The following CHEK2 variants were observed in gnomAD, a reference collection of about 807,000 sequenced individuals.
The protein encoded by CHEK2 is serine/threonine-protein kinase Chk2.
Under a neutral mutation model 69.1 loss-of-function variants are expected in CHEK2, and 71 were observed. That is an observed-to-expected ratio of 1.03 (90% CI 0.85 to 1.25). CHEK2 has a LOEUF of 1.25. Ranked by LOEUF, CHEK2 falls within the 50% of genes most tolerant of loss-of-function variation. CHEK2 has a pLI of 0.00. For synonymous variants in CHEK2, 189 were observed against 226.9 expected, an observed-to-expected ratio of 0.83 and a Z score of 1.50; for missense variants, 664 against 649.6, an observed-to-expected ratio of 1.02 and a Z score of -0.24.
intron 5 of CHEK2, among the ~76,000 whole-genome samples, chr22:28,717,315 T>C (rs1391999432): frequency 1.3e-5 from 2 of 151,718 alleles, no homozygotes; most frequent in African/African-American, 2.4e-5. Flanking sequence ...GAGGCAGAGG[T>C]TGAAGTGAGC....
At chr22:28,693,969 A>G (rs749970103) in intron 13 of CHEK2, 63 bp downstream of exon 13, 29 of 1,023,138 alleles carry the variant, frequency 2.8e-5, no homozygotes, top group Non-Finnish European at 3.7e-5. Context: ...CCTCTGTCTC[A>G]TGTCTCTCAG....
At position 28,696,968 on chromosome 22, in the gene CHEK2, A is replaced by G. The variant is rs863224746; in HGVS notation, c.1028T>C (p.Ile343Thr). 3 of 1,612,654 alleles carry G rather than the reference A, an allele frequency of 1.9e-6. No individual in the cohort carries two copies. The highest frequency in any genetic ancestry group is 2.5e-6 in the Non-Finnish European group (3 of 1,178,724). Residue 343 changes from isoleucine to threonine, a missense_variant, in exon 10 of 15, where the codon ATT becomes ACT. Transcript: ENST00000404276. ...LAVQYLHENG[I>T]IHRDLKPENV... ...CTCTGGCTTTAAGTCACGGTGTATA[A>G]TACCGTTTTCATGAAGGTACTACAC...
chr22:28,737,662 A>G (rs2054452332), intron 1 of CHEK2, among the ~76,000 whole-genome samples: 1 of 151,686 alleles, frequency 6.6e-6, no homozygotes, highest in Middle Eastern at 3.2e-3. Flanking sequence ...TAGTAGAGAC[A>G]GGGTTTTCAC....
intron 1 of CHEK2, chr22:28,737,339 A>G (rs922080533): frequency 1.9e-4 from 87 of 463,336 alleles, no homozygotes; most frequent in Admixed American, 6.2e-4. Flanking sequence ...CAGTAAAAGG[A>G]AACACTTTAC....
At position 28,725,374 on chromosome 22, in the gene CHEK2, T is replaced by G. The variant is rs1555927424; in HGVS notation, c.320-7A>C. ...TAGTTGTCATTCACACATTCTGTAA[T>G]ATAAAAGCATGCATCAGAGGGCTGT... On this transcript the variant is annotated splice_polypyrimidine_tract_variant and splice_region_variant and intron_variant, in intron 2 of 14. Coordinates refer to ENST00000404276, the MANE Select transcript of CHEK2 (RefSeq NM_007194.4). The G allele has an allele frequency of 1.9e-6, 3 of 1,614,088 alleles. No individual in the cohort carries two copies. Among genetic ancestry groups the G allele is most frequent in the Non-Finnish European group, 2.5e-6 (3 of 1,180,024 alleles).
intron 2 of CHEK2, among the ~76,000 whole-genome samples, chr22:28,732,144 T>C: frequency 6.6e-6 from 1 of 151,476 alleles, no homozygotes; most frequent in East Asian, 1.9e-4. Flanking sequence ...GGAGTTTCGC[T>C]CTTGTTGCCC....
At chr22:28,737,351 GC>G (rs1397578190) in intron 1 of CHEK2, 1 of 449,006 alleles carries the variant, frequency 2.2e-6, no homozygotes, top group East Asian at 5.9e-5. Context: ...ACACTTTACA[GC>G]TTCTCTTTAC....
chr22:28,708,002 A>G (rs891894866), intron 7 of CHEK2, among the ~76,000 whole-genome samples: 1 of 150,400 alleles, frequency 6.6e-6, no homozygotes, highest in African/African-American at 2.5e-5. Flanking sequence ...ACGCCCGGCT[A>G]ATTTTTTTTT....
intron 4 of CHEK2, among the ~76,000 whole-genome samples, chr22:28,723,791 T>C (rs539152906): frequency 3.3e-4 from 50 of 151,438 alleles, no homozygotes; most frequent in Non-Finnish European, 2.1e-4. Context: ...CTACCAAAAA[T>C]ACAAAAAATT....
intron 7 of CHEK2, 81 bp downstream of exon 7, chr22:28,709,925 T>C: frequency 1.2e-6 from 1 of 867,108 alleles, no homozygotes; most frequent in Non-Finnish European, 1.9e-6. Context: ...CAATATTATC[T>C]TTATTATACT....
intron 5 of CHEK2, among the ~76,000 whole-genome samples, chr22:28,718,012 C>G (rs778489926): frequency 6.6e-6 from 1 of 152,140 alleles, no homozygotes; most frequent in East Asian, 1.9e-4. Context: ...ACCCGGGAGG[C>G]GGAGGTTGCA....
At position 28,699,818 on chromosome 22, in the gene CHEK2, G is replaced by T. The variant is rs2145840862; in HGVS notation, c.1008+20C>A. On this transcript the variant is annotated intron_variant, in intron 9 of 14. Coordinates refer to ENST00000404276, the MANE Select transcript of CHEK2 (RefSeq NM_007194.4). ...ACTAAAAGAAAGGCAGCTGTCAAAA[G>T]AATTGAGGGCTTCTTTTACCTGCAC... 1 of 1,557,594 alleles carries T rather than the reference G, an allele frequency of 6.4e-7. No individual in the cohort carries two copies.
At chr22:28,705,471 A>T (rs771654497) in intron 7 of CHEK2, among the ~76,000 whole-genome samples, 7 of 152,208 alleles carry the variant, frequency 4.6e-5, no homozygotes, top group African/African-American at 1.7e-4. Context: ...TTCAACCAGG[A>T]AGTACAATGC....
intron 5 of CHEK2, among the ~76,000 whole-genome samples, chr22:28,718,873 C>T (rs2053669892): frequency 7.0e-6 from 1 of 141,990 alleles, no homozygotes; most frequent in Admixed American, 7.5e-5. Context: ...CAGAGCAAGA[C>T]TCTGACACTA....
Position 28,710,062 on chromosome 22 carries a change from T to C in CHEK2, c.793-3A>G, listed in dbSNP as rs878854924. On this transcript the variant is annotated splice_polypyrimidine_tract_variant and splice_region_variant and intron_variant, in intron 6 of 14. Transcript: ENST00000404276. ...GTTTCAACATTGAGAGCTGGGTCCTTTGATAAACAGAATAACAGAGTTTAT... is the reference window on the plus strand; with the variant it reads ...GTTTCAACATTGAGAGCTGGGTCCTCTGATAAACAGAATAACAGAGTTTAT... 1 of 1,551,854 alleles carries C rather than the reference T, an allele frequency of 6.4e-7. No individual in the cohort carries two copies. Among genetic ancestry groups the C allele is most frequent in the Non-Finnish European group, 8.9e-7 (1 of 1,125,820 alleles).
chr22:28,688,737 C>A (rs2052224334), intron 14 of CHEK2, among the ~76,000 whole-genome samples: 1 of 138,164 alleles, frequency 7.2e-6, no homozygotes, highest in East Asian at 2.1e-4. Context: ...ACAACAACAA[C>A]AACAAAAAAG....
chr22:28,738,755 C>G (rs1008871670), intron 1 of CHEK2, among the ~76,000 whole-genome samples: 2 of 152,054 alleles, frequency 1.3e-5, no homozygotes, highest in African/African-American at 4.8e-5. Flanking sequence ...AGGGTTTTTA[C>G]GTAAGACCTC....
chr22:28,722,411 G>A (rs1271168555), intron 4 of CHEK2, among the ~76,000 whole-genome samples: 1 of 151,644 alleles, frequency 6.6e-6, no homozygotes, highest in East Asian at 1.9e-4. Context: ...GCAGTGGCGG[G>A]CGCCTATAGT....
At position 28,689,014 on chromosome 22, in the gene CHEK2, T is replaced by C. The variant is rs2052234706; in HGVS notation, c.1542+121A>G. 8 of 690,098 alleles carry C rather than the reference T, an allele frequency of 1.2e-5. No individual in the cohort carries two copies. The South Asian group carries it at 1.2e-4, about 10-fold the overall frequency. 42.7% of individuals were successfully genotyped at this position (690,098 alleles called of 1,614,324 possible). On this transcript the variant is annotated intron_variant, in intron 14 of 14. Transcript: ENST00000404276. ...AATCAAGTTAAAACAGAGTTTCTAC[T>C]ACATTATAACTGAAACAATGTTAAG... is the stretch of plus-strand genomic sequence containing the variant.
Sources: gnomAD v4.1 joint callset for allele counts (sites outside exome capture counted in the v4.1 genomes callset) on GRCh38, gnomAD v4.1.1 for gene constraint, MANE v1.5 for transcripts, NCBI Gene and HGNC (gene_info 2026-07-23, HGNC 2026-07-21) for gene names.